DGKB: variants seen among roughly 807,000 people sequenced by gnomAD.
DGKB encodes diacylglycerol kinase beta.
Under a neutral mutation model 114.3 loss-of-function variants are expected in DGKB, and 67 were observed. The observed-to-expected ratio is 0.59, with a 90% CI of 0.48 to 0.72. The LOEUF is 0.72. Among genes scored for constraint, DGKB ranks in the 30% least tolerant of loss-of-function variants. The pLI is 0.00. For synonymous variants in DGKB, 398 were observed against 323.1 expected, an observed-to-expected ratio of 1.23 and a Z score of -2.49; for missense variants, 907 against 975.2, an observed-to-expected ratio of 0.93 and a Z score of 0.93.
Position 14,162,191 on chromosome 7 carries a change from A to G in DGKB, c.2305-12953T>C, listed in dbSNP as rs572244584. 2.0e-5 allele frequency among the ~76,000 whole-genome samples: 3 copies of G among 152,348 alleles called. No homozygotes were observed. The South Asian group carries it at 6.2e-4, about 32-fold the overall frequency. On this transcript the variant is annotated intron_variant, in intron 25 of 25. Coordinates refer to ENST00000402815, the MANE Select transcript of DGKB (RefSeq NM_001350709.2). ...AAGGTCAGAAGGCAAATGTGAGAGG[A>G]TAGTCAGGCCCAGACCTTGTGAGTC...
chr7:14,966,805 T>A (rs1332752652), intron 1 of DGKB, among the ~76,000 whole-genome samples: 1 of 152,164 alleles, frequency 6.6e-6, no homozygotes, highest in African/African-American at 2.4e-5. Context: ...AGATAAATAA[T>A]TGAGAATCAG....
At position 14,700,204 on chromosome 7, in the gene DGKB, G is replaced by GA. The variant is rs201590879; in HGVS notation, c.516+1476dup. On this transcript the variant is annotated intron_variant, in intron 7 of 25. Coordinates refer to ENST00000402815, the MANE Select transcript of DGKB (RefSeq NM_001350709.2). ...TAGGCACTTAAAAATAATAGCATTTGAAAAAAAATTTTTTTTTTTTTTTTT... is the reference window on the plus strand; with the variant it reads ...TAGGCACTTAAAAATAATAGCATTTGAAAAAAAAATTTTTTTTTTTTTTTTT... Among the ~76,000 whole-genome samples the GA allele has an allele frequency of 8.5e-3, 1,210 of 142,400 alleles. 15 individuals are homozygous for GA. The highest frequency in any genetic ancestry group is 0.028 in the African/African-American group (1,110 of 39,500). 93.4% of individuals were successfully genotyped at this position (142,400 alleles called of 152,430 possible). A position where few individuals can be genotyped will look rare whatever the true frequency, so the allele number is the denominator to read the frequency against.
chr7:14,203,729 GA>G (rs1318357245), intron 23 of DGKB, among the ~76,000 whole-genome samples: 1 of 151,932 alleles, frequency 6.6e-6, no homozygotes, highest in African/African-American at 2.4e-5. Context: ...GAGTATGATG[GA>G]AATGTAAAGA....
chr7:14,544,313 A>T (rs970281183), intron 20 of DGKB, among the ~76,000 whole-genome samples: 3 of 152,190 alleles, frequency 2.0e-5, no homozygotes, highest in Non-Finnish European at 1.5e-5. Context: ...CACAGTGTGA[A>T]TTTCTCTGAC....
chr7:14,729,123 C>CTTTTTTTTT (rs1162368398), intron 5 of DGKB, among the ~76,000 whole-genome samples: 3 of 113,414 alleles, frequency 2.6e-5, no homozygotes, highest in African/African-American at 1.1e-4. Context: ...CATTTTCTTT[C>CTTTTTTTTT]TTTTTTTTTT....
In DGKB at chr7:14,467,826, T is replaced by C. The variant is rs549074831; in HGVS notation, c.1835+10335A>G. On this transcript the variant is annotated intron_variant, in intron 21 of 25. Transcript: ENST00000402815. Reference sequence around the variant, plus strand: ...GGAGGGAGAAGCAACGCAGAGGATATAATTAGTTCCAATTAGCCATGCCAG... The same window carrying C: ...GGAGGGAGAAGCAACGCAGAGGATACAATTAGTTCCAATTAGCCATGCCAG... 2.1e-4 allele frequency among the ~76,000 whole-genome samples: 32 copies of C among 152,204 alleles called. 1 individual carries two copies. Among genetic ancestry groups the C allele is most frequent in the Admixed American group, 2.0e-3 (31 of 15,270 alleles).
chr7:14,910,173 A>G (rs4027157), intron 1 of DGKB, among the ~76,000 whole-genome samples: 59,377 of 150,548 alleles, frequency 0.39, 14,692 homozygotes, highest in East Asian at 0.88. Flanking sequence ...CCTGGGAGGC[A>G]GAGGTTGCAG....
chr7:14,926,087 G>A (rs1293351991), intron 1 of DGKB, among the ~76,000 whole-genome samples: 1 of 151,856 alleles, frequency 6.6e-6, no homozygotes, highest in Admixed American at 6.6e-5. Context: ...TAGTTTGCAG[G>A]GAGTTTTTAT....
chr7:14,846,865 G>A (rs914267110), intron 1 of DGKB, among the ~76,000 whole-genome samples: 1 of 152,110 alleles, frequency 6.6e-6, no homozygotes, highest in African/African-American at 2.4e-5. Context: ...GACGCCATTC[G>A]GCAATATCTA....
chr7:14,624,370 G>A (rs770265228), intron 14 of DGKB, among the ~76,000 whole-genome samples: 1 of 152,040 alleles, frequency 6.6e-6, no homozygotes, highest in African/African-American at 2.4e-5. Context: ...TTGTTGTTTG[G>A]CATTCAATTT....
intron 23 of DGKB, among the ~76,000 whole-genome samples, chr7:14,250,703 T>C (rs955655783): frequency 6.6e-6 from 1 of 152,196 alleles, no homozygotes; most frequent in Non-Finnish European, 1.5e-5. Context: ...TTATTGATTT[T>C]CTGTCTGTGT....
At chr7:14,469,555 T>C (rs1057359457) in intron 21 of DGKB, among the ~76,000 whole-genome samples, 6 of 152,012 alleles carry the variant, frequency 3.9e-5, no homozygotes, top group Non-Finnish European at 7.4e-5. Flanking sequence ...ACAAACATGA[T>C]TTTAAACAGC....
rs530189261 is a variant in DGKB at position 14,874,943 on chromosome 7, G to A, written c.-188+27649C>T. On this transcript the variant is annotated intron_variant, in intron 1 of 25. Coordinates refer to ENST00000402815, the MANE Select transcript of DGKB (RefSeq NM_001350709.2). ...CCAAACTCTTTTTTATTTTGCTAGC[G>A]TAACGGGGAAGTAAAAAAGAATTAA... is the stretch of plus-strand genomic sequence containing the variant. 7.2e-5 allele frequency among the ~76,000 whole-genome samples: 11 copies of A among 152,010 alleles called. 1 individual carries two copies. In the South Asian group the frequency reaches 1.2e-3, roughly 17 times the overall value.
intron 21 of DGKB, among the ~76,000 whole-genome samples, chr7:14,397,050 A>T (rs1049801822): frequency 1.3e-5 from 2 of 152,088 alleles, no homozygotes; most frequent in African/African-American, 4.8e-5. Flanking sequence ...TGGGAGAGAG[A>T]GAGAGAGAGA....
intron 21 of DGKB, among the ~76,000 whole-genome samples, chr7:14,443,662 C>A (rs1367774): frequency 0.014 from 2,158 of 152,114 alleles, 56 homozygotes; most frequent in African/African-American, 0.047. Context: ...CCCTCTGGAA[C>A]TTTAAAGGTT....
intron 23 of DGKB, among the ~76,000 whole-genome samples, chr7:14,214,781 A>G (rs1773079109): frequency 6.6e-6 from 1 of 152,126 alleles, no homozygotes; most frequent in Non-Finnish European, 1.5e-5. Flanking sequence ...AATGAAAACT[A>G]AATGCCCAAA....
chr7:14,872,677 A>G (rs1852649647), intron 1 of DGKB, among the ~76,000 whole-genome samples: 4 of 152,172 alleles, frequency 2.6e-5, no homozygotes, highest in African/African-American at 4.8e-5. Flanking sequence ...TTTCACAGAC[A>G]TTAGATACTG....
rs146165555 is a variant in DGKB, at chr7:14,576,695, T to C, written c.1610-2323A>G. On this transcript the variant is annotated intron_variant, in intron 19 of 25. Transcript: ENST00000402815. ...CGTCCAACATAACACTGGAACAATG[T>C]AGGAACAGCAACCTAACCGGGAGAG... Among the ~76,000 whole-genome samples the C allele has an allele frequency of 3.9e-3, 592 of 152,306 alleles. 1 individual carries two copies. The highest frequency in any genetic ancestry group is 6.1e-3 in the Non-Finnish European group (414 of 68,016).
chr7:14,537,232 T>C (rs1317236890), intron 20 of DGKB, among the ~76,000 whole-genome samples: 2 of 152,154 alleles, frequency 1.3e-5, no homozygotes, highest in African/African-American at 4.8e-5. Context: ...TATTAAAATA[T>C]TCATTCTAGC....
Sources: gnomAD v4.1 joint callset for allele counts (sites outside exome capture counted in the v4.1 genomes callset) on GRCh38, gnomAD v4.1.1 for gene constraint, MANE v1.5 for transcripts, NCBI Gene and HGNC (gene_info 2026-07-23, HGNC 2026-07-21) for gene names.